ZCWPW1: variants seen among roughly 807,000 people sequenced by gnomAD.
ZCWPW1 encodes zinc finger CW-type and PWWP domain containing 1.
A neutral mutation model predicts 81.3 loss-of-function variants in ZCWPW1; 56 were observed. The observed-to-expected ratio is 0.69, with a 90% CI of 0.56 to 0.86. The LOEUF is 0.86. Ranked by LOEUF, ZCWPW1 falls within the 40% of genes least tolerant of loss-of-function variation. The pLI is 0.00. For missense variants in ZCWPW1, 650 were observed against 769.8 expected (o/e 0.84, Z 1.84); for synonymous variants, 250 against 273.7 (o/e 0.91, Z 0.86).
At chr7:100,403,044 T>C (rs1792249078) in intron 15 of ZCWPW1, among the ~76,000 whole-genome samples, 1 of 151,904 alleles carries the variant, frequency 6.6e-6, no homozygotes, top group East Asian at 1.9e-4. Context: ...CCTAGAGATG[T>C]GGGAAATTAG....
chr7:100,415,880 T>C (rs1795126782), intron 8 of ZCWPW1, 95 bp downstream of exon 8: 1 of 1,499,614 alleles, frequency 6.7e-7, no homozygotes, highest in Non-Finnish European at 9.1e-7. Flanking sequence ...ATTGACTATA[T>C]TCTTTGCAGA....
chr7:100,419,569 C>G, intron 4 of ZCWPW1, 61 bp downstream of exon 4: 3 of 1,541,664 alleles, frequency 1.9e-6, no homozygotes, highest in Middle Eastern at 3.5e-4. Context: ...GTTTGTCTAG[C>G]CTGAGCCAGG....
chr7:100,416,945 CAAAA>C (rs377744181), intron 6 of ZCWPW1, 117 bp downstream of exon 6: 1,608 of 581,630 alleles, frequency 2.8e-3, no homozygotes, highest in South Asian at 3.3e-3. Flanking sequence ...GACTCCGTCT[CAAAA>C]AAAAAAAAAA....
intron 5 of ZCWPW1, 62 bp downstream of exon 5, chr7:100,419,049 C>T (rs1406083269): frequency 1.5e-5 from 20 of 1,363,310 alleles, no homozygotes; most frequent in Non-Finnish European, 2.1e-5. Context: ...AGACTTAACT[C>T]TCCCTCTCAG....
At chr7:100,416,844 G>A (rs1192129974) in intron 6 of ZCWPW1, among the ~76,000 whole-genome samples, 1 of 151,948 alleles carries the variant, frequency 6.6e-6, no homozygotes, top group African/African-American at 2.4e-5. Context: ...TACTCGAGAG[G>A]CTGAGGCAGG....
chr7:100,411,269 C>A (rs1794100539), intron 8 of ZCWPW1, among the ~76,000 whole-genome samples: 1 of 144,576 alleles, frequency 6.9e-6, no homozygotes, highest in Admixed American at 7.0e-5. Context: ...TTCGCAATTA[C>A]TTTTTTTTTT....
At chr7:100,426,954 C>T (rs1396088800) in intron 1 of ZCWPW1, among the ~76,000 whole-genome samples, 1 of 14,100 alleles carries the variant, frequency 7.1e-5, no homozygotes, top group Non-Finnish European at 1.5e-4. Context: ...CCCCTTTCCT[C>T]CCCCTCCTCC....
chr7:100,417,862 T>C (rs570471484), intron 5 of ZCWPW1, among the ~76,000 whole-genome samples: 2 of 151,986 alleles, frequency 1.3e-5, no homozygotes, highest in African/African-American at 2.4e-5. Context: ...TAGAGGTTTT[T>C]GGTTTTTTGG....
At chr7:100,418,170 C>A (rs1460105190) in intron 5 of ZCWPW1, among the ~76,000 whole-genome samples, 2 of 152,328 alleles carry the variant, frequency 1.3e-5, no homozygotes, top group Non-Finnish European at 2.9e-5. Flanking sequence ...CAGGCATGAG[C>A]CACTGCACCT....
chr7:100,421,549 G>A lies in ZCWPW1; in HGVS notation c.-29-871C>T, dbSNP rs187106922. ...CTCTAGTCATAGCTCAGAAGTATTT[G>A]ATAACCAGTAGAGGTTCCCAGAAAA... On this transcript the variant is annotated intron_variant, in intron 2 of 17. Transcript: ENST00000684423. 3.3e-5 allele frequency among the ~76,000 whole-genome samples: 5 copies of A among 152,252 alleles called. No homozygotes were observed. The East Asian group carries it at 5.8e-4, about 18-fold the overall frequency.
chr7:100,413,080 A>T (rs1794543138), intron 8 of ZCWPW1, among the ~76,000 whole-genome samples: 1 of 151,990 alleles, frequency 6.6e-6, no homozygotes, highest in South Asian at 2.1e-4. Flanking sequence ...CTAATACCTA[A>T]TCCTAATACT....
intron 1 of ZCWPW1, among the ~76,000 whole-genome samples, chr7:100,427,877 C>T (rs1220469435): frequency 2.0e-5 from 3 of 151,928 alleles, no homozygotes; most frequent in Admixed American, 2.0e-4. Context: ...GTCCCCCTCT[C>T]TCTTCCCCGT....
chr7:100,425,457 C>G (rs1797149936), intron 1 of ZCWPW1, among the ~76,000 whole-genome samples: 1 of 152,034 alleles, frequency 6.6e-6, no homozygotes. Context: ...TAAAGGGAAC[C>G]AAGGGAAGGT....
intron 17 of ZCWPW1, 42 bp downstream of exon 17, chr7:100,401,847 G>C: frequency 1.3e-6 from 2 of 1,556,342 alleles, no homozygotes; most frequent in Non-Finnish European, 1.7e-6. Context: ...ATGCTGACAG[G>C]CACCTCATTC....
At chr7:100,410,953 G>A (rs1248786320) in intron 8 of ZCWPW1, among the ~76,000 whole-genome samples, 1 of 152,046 alleles carries the variant, frequency 6.6e-6, no homozygotes, top group African/African-American at 2.4e-5. Context: ...TCCCACTGTC[G>A]TTCTTCCCAC....
At chr7:100,404,267 G>A in intron 13 of ZCWPW1, 23 bp from the exon 14 acceptor site, 1 of 1,612,874 alleles carries the variant, frequency 6.2e-7, no homozygotes, top group Non-Finnish European at 8.5e-7. Flanking sequence ...AGAAACAAAA[G>A]CATCATCCAC....
chr7:100,403,845 G>T, intron 14 of ZCWPW1, 60 bp from the exon 15 acceptor site: 2 of 1,484,006 alleles, frequency 1.3e-6, no homozygotes, highest in Non-Finnish European at 9.3e-7. Context: ...GTGAGTTAAT[G>T]AAGCTGATCA....
chr7:100,410,834 A>G (rs1794013099), intron 8 of ZCWPW1, among the ~76,000 whole-genome samples: 1 of 152,134 alleles, frequency 6.6e-6, no homozygotes, highest in South Asian at 2.1e-4. Context: ...CCCACTGCCC[A>G]CTACCATCCT....
At chr7:100,408,489 A>C in intron 10 of ZCWPW1, 50 bp downstream of exon 10, 2 of 1,598,046 alleles carry the variant, frequency 1.3e-6, no homozygotes, top group Non-Finnish European at 1.7e-6. Flanking sequence ...GCTTGAATCT[A>C]CCTCTCCCAA....
Sources: allele counts gnomAD v4.1 joint callset (sites outside exome capture counted in the v4.1 genomes callset), GRCh38; gene constraint gnomAD v4.1.1; transcripts MANE v1.5; gene names NCBI Gene and HGNC (gene_info 2026-07-23, HGNC 2026-07-21).